Variants in BLK observed in about 807,000 individuals in gnomAD.
BLK encodes the protein tyrosine-protein kinase Blk.
BLK carries 64 observed loss-of-function variants against 61.8 expected under a neutral mutation model. The observed-to-expected ratio is 1.03, with a 90% CI of 0.85 to 1.27. The LOEUF is 1.27. Among genes scored for constraint, BLK ranks in the 50% most tolerant of loss-of-function variants. BLK has a pLI of 0.00. For missense variants in BLK, 853 were observed against 660.5 expected (o/e 1.29, Z -3.19); for synonymous variants, 351 against 272.0 (o/e 1.29, Z -2.86).
chr8:11,556,511 C>T lies in BLK; in HGVS notation c.773-147C>T, dbSNP rs942694060. 24 of 976,514 alleles carry T rather than the reference C, an allele frequency of 2.5e-5. No individual in the cohort carries two copies. In the African/African-American group the frequency reaches 3.1e-4, roughly 12 times the overall value. 60.5% of individuals were successfully genotyped at this position (976,514 alleles called of 1,614,324 possible). A position where few individuals can be genotyped will look rare whatever the true frequency, so the allele number is the denominator to read the frequency against. ...GACCTGGAACGCAAGGTAGGCACCA[C>T]ACAACCATGGCCTCCGGAACTGCAT... On this transcript the variant is annotated intron_variant, in intron 8 of 12. Coordinates refer to ENST00000259089, the MANE Select transcript of BLK (RefSeq NM_001715.3).
At chr8:11,548,992 G>T in intron 4 of BLK, 32 bp from the exon 5 acceptor site, 2 of 1,573,110 alleles carry the variant, frequency 1.3e-6, no homozygotes, top group South Asian at 2.3e-5. Context: ...CAGGGGCCAT[G>T]ATCTCATCTC....
At chr8:11,554,223 G>A (rs1801068773) in intron 6 of BLK, 1 of 173,380 alleles carries the variant, frequency 5.8e-6, no homozygotes, top group South Asian at 1.4e-4. Context: ...AAAATAACAG[G>A]TGTATGTAAC....
intron 1 of BLK, among the ~76,000 whole-genome samples, chr8:11,539,367 G>A (rs1050915209): frequency 6.6e-6 from 1 of 152,148 alleles, no homozygotes. Flanking sequence ...GTAGTTGTAT[G>A]AGAGATTTAT....
chr8:11,519,683 C>A (rs907204864), intron 1 of BLK, among the ~76,000 whole-genome samples: 1 of 152,168 alleles, frequency 6.6e-6, no homozygotes, highest in Admixed American at 6.5e-5. Flanking sequence ...TAGTTATTAT[C>A]TCAATTGTAT....
At chr8:11,545,803 G>A (rs1800607082) in intron 2 of BLK, 5 of 552,410 alleles carry the variant, frequency 9.1e-6, no homozygotes, top group Admixed American at 6.0e-5. Flanking sequence ...GTCCACAGCT[G>A]TCTCATATCC....
chr8:11,502,129 G>T (rs1600249), intron 1 of BLK, among the ~76,000 whole-genome samples: 36,039 of 152,134 alleles, frequency 0.24, 5,963 homozygotes, highest in East Asian at 0.69. Context: ...GACACAGTCA[G>T]TTAAAGAACC....
chr8:11,555,826 A>G (rs1390275034), intron 8 of BLK: 10 of 384,880 alleles, frequency 2.6e-5, no homozygotes, highest in East Asian at 6.5e-5. Flanking sequence ...AGATGGAAAC[A>G]GGAGGTTAAA....
Position 11,558,847 on chromosome 8 carries a change from G to A in BLK, c.1029+809G>A, listed in dbSNP as rs367928336. On this transcript the variant is annotated intron_variant, in intron 10 of 12. Coordinates refer to ENST00000259089, the MANE Select transcript of BLK (RefSeq NM_001715.3). ...TACACACACACATACAGCTGCCACC[G>A]AGAGGAAACGCTCCCACCCACCGCC... is the stretch of plus-strand genomic sequence containing the variant. The A allele has an allele frequency of 1.1e-3, 490 of 455,508 alleles. 7 individuals are homozygous for A. The highest frequency in any genetic ancestry group is 4.6e-3 in the Middle Eastern group (14 of 3,054). The allele number at this position is 455,508 out of a possible 1,614,324, so 28.2% of individuals were successfully genotyped here.
chr8:11,544,114 G>GCCA (rs1800512890), intron 2 of BLK, among the ~76,000 whole-genome samples: 1 of 152,056 alleles, frequency 6.6e-6, no homozygotes, highest in Non-Finnish European at 1.5e-5. Flanking sequence ...AGGCACACAT[G>GCCA]CCACCACACC....
intron 1 of BLK, among the ~76,000 whole-genome samples, chr8:11,502,650 G>A (rs1013555772): frequency 6.6e-6 from 1 of 152,198 alleles, no homozygotes; most frequent in African/African-American, 2.4e-5. Context: ...CAAAATTCCT[G>A]AGAATTTAAC....
chr8:11,504,958 A>G (rs1798711546), intron 1 of BLK, among the ~76,000 whole-genome samples: 1 of 152,244 alleles, frequency 6.6e-6, no homozygotes. Flanking sequence ...GCACAGAGAC[A>G]CGTACAGACA....
At chr8:11,554,489 G>T (rs535135749) in intron 6 of BLK, among the ~76,000 whole-genome samples, 1 of 152,162 alleles carries the variant, frequency 6.6e-6, no homozygotes, top group Non-Finnish European at 1.5e-5. Context: ...CTGCCGCAGG[G>T]CTCTGTGATT....
intron 1 of BLK, among the ~76,000 whole-genome samples, chr8:11,525,252 G>A (rs920774419): frequency 6.6e-6 from 1 of 152,178 alleles, no homozygotes; most frequent in East Asian, 1.9e-4. Context: ...AAGGTATTTA[G>A]ACAACATGAG....
chr8:11,551,559 T>G (rs980392125), intron 6 of BLK, among the ~76,000 whole-genome samples: 1 of 152,194 alleles, frequency 6.6e-6, no homozygotes, highest in African/African-American at 2.4e-5. Context: ...CGCACATGAT[T>G]CAACCAGTAA....
rs962231904 is a variant in BLK at position 11,554,835 on chromosome 8, A to G, written c.565A>G (p.Ile189Val). 2 of 1,613,736 alleles carry G rather than the reference A, an allele frequency of 1.2e-6. No homozygotes were observed. Among genetic ancestry groups the G allele is most frequent in the African/African-American group, 1.3e-5 (1 of 74,922 alleles). The change falls in exon 7 of 13, where the codon ATC (isoleucine) becomes GTC (valine). Residue 189 changes from isoleucine (I) to valine (V), a missense_variant. Physicochemically the swap from Ile to Val is conservative, Grantham distance 29. Transcript: ENST00000259089. ...CTGCCTGGATGAAGGGGGCTACTAC[A>G]TCTCCCCCCGGATCACCTTCCCCTC... ...IRCLDEGGYYISPRITFPSLQ... is the reference protein window; with the variant it reads ...IRCLDEGGYYVSPRITFPSLQ...
rs376459589 is a variant in BLK at position 11,556,821 on chromosome 8, C to G, written c.936C>G (p.Thr312=). The G allele has an allele frequency of 1.2e-6, 2 of 1,614,098 alleles. No individual in the cohort carries two copies. The highest frequency in any genetic ancestry group is 2.2e-5 in the South Asian group (2 of 91,082). ...CCAAGGAGCCCATCTACATTGTCAC[C>G]GAGTACATGGCCAGAGGTGGTGCCC... ...VVTKEPIYIV[T]EYMARGCLLD... is the part of the protein sequence containing the mutation. The change falls in exon 9 of 13, where the codon ACC becomes ACG. Residue 312 remains threonine (T), a synonymous_variant. Coordinates refer to ENST00000259089, the MANE Select transcript of BLK (RefSeq NM_001715.3).
chr8:11,532,136 G>A (rs996577607), intron 1 of BLK, among the ~76,000 whole-genome samples: 10 of 151,760 alleles, frequency 6.6e-5, no homozygotes, highest in Non-Finnish European at 1.3e-4. Flanking sequence ...TGGGATTACA[G>A]GCATGAGCCA....
chr8:11,503,271 C>T (rs1392954685), intron 1 of BLK, among the ~76,000 whole-genome samples: 1 of 152,216 alleles, frequency 6.6e-6, no homozygotes, highest in Non-Finnish European at 1.5e-5. Flanking sequence ...CTTCTAGCCC[C>T]TGGGCTTCTG....
At chr8:11,517,451 T>A (rs980573144) in intron 1 of BLK, among the ~76,000 whole-genome samples, 1 of 152,210 alleles carries the variant, frequency 6.6e-6, no homozygotes, top group African/African-American at 2.4e-5. Flanking sequence ...GTCCTCTGAC[T>A]TCTACCAGCC....
Sources: allele counts gnomAD v4.1 joint callset (sites outside exome capture counted in the v4.1 genomes callset), GRCh38; gene constraint gnomAD v4.1.1; transcripts MANE v1.5; gene names NCBI Gene and HGNC (gene_info 2026-07-23, HGNC 2026-07-21).